SLC25A25: variants seen among roughly 807,000 people sequenced by gnomAD.
The protein encoded by SLC25A25 is mitochondrial adenyl nucleotide antiporter SLC25A25.
Under a neutral mutation model 57.7 loss-of-function variants are expected in SLC25A25, and 32 were observed. That is an observed-to-expected ratio of 0.55 (90% CI 0.42 to 0.74). The LOEUF is 0.74. Ranked by LOEUF, SLC25A25 falls within the 30% of genes least tolerant of loss-of-function variation. The probability of loss-of-function intolerance (pLI) is 0.00; values close to 1 mark genes in which losing one functional copy is unlikely to be tolerated. For missense variants in SLC25A25, 556 were observed against 701.3 expected, an observed-to-expected ratio of 0.79 and a Z score of 2.34; for synonymous variants, 306 against 291.2, an observed-to-expected ratio of 1.05 and a Z score of -0.52.
Position 128,102,179 on chromosome 9 carries a change from T to C in SLC25A25, c.512+64T>C, listed in dbSNP as rs2130819498. The C allele has an allele frequency of 2.0e-6, 3 of 1,538,210 alleles. No homozygotes were observed. Among genetic ancestry groups the C allele is most frequent in the South Asian group, 1.2e-5 (1 of 83,842 alleles). On this transcript the variant is annotated intron_variant, in intron 4 of 10. Coordinates refer to ENST00000373069, the MANE Select transcript of SLC25A25 (RefSeq NM_001330988.2). The surrounding 1 kb of genome is among the most constrained non-coding windows in gnomAD (Gnocchi z 4.1). Reference sequence around the variant, plus strand: ...TCCATGCCTGATCAGAGCGGGATTCTTGTGGGCCATTATATTGCCATTGTT... The same window carrying C: ...TCCATGCCTGATCAGAGCGGGATTCCTGTGGGCCATTATATTGCCATTGTT...
chr9:128,100,199 G>C (rs1054290747), intron 1 of SLC25A25, among the ~76,000 whole-genome samples: 11 of 116,660 alleles, frequency 9.4e-5, no homozygotes, highest in East Asian at 7.6e-4. Flanking sequence ...GTTTGCGAGG[G>C]GGGTAAGTGG....
rs1178946411 is a variant in SLC25A25 at position 128,106,216 on chromosome 9, T to C, written c.1003T>C (p.Leu335=). The part of the protein sequence containing the change: ...RIHERLVAGS[L]AGAIAQSSIY... Reference sequence around the variant, plus strand: ...TCACGAGAGGCTTGTGGCAGGGTCCTTGGCAGGGGCCATCGCCCAGAGCAG... The same window carrying C: ...TCACGAGAGGCTTGTGGCAGGGTCCCTGGCAGGGGCCATCGCCCAGAGCAG... Residue 335 remains leucine, a synonymous_variant, in exon 8 of 11, where the codon TTG becomes CTG. Coordinates refer to ENST00000373069, the MANE Select transcript of SLC25A25 (RefSeq NM_001330988.2). The C allele has an allele frequency of 1.2e-6, 2 of 1,614,160 alleles. No homozygotes were observed. Among genetic ancestry groups the C allele is most frequent in the African/African-American group, 1.3e-5 (1 of 75,064 alleles).
intron 1 of SLC25A25, among the ~76,000 whole-genome samples, chr9:128,075,378 T>C (rs931458171): frequency 1.3e-5 from 2 of 152,050 alleles, no homozygotes; most frequent in African/African-American, 4.8e-5. Context: ...ATGAATTTTT[T>C]TGATGTTCAA....
At chr9:128,084,570 CA>C (rs1477548732) in intron 1 of SLC25A25, among the ~76,000 whole-genome samples, 2 of 149,192 alleles carry the variant, frequency 1.3e-5, no homozygotes, top group African/African-American at 4.9e-5. Flanking sequence ...CCCCCGCCTT[CA>C]AGTTGTCCCA....
chr9:128,105,157 C>CTT (rs1564195477), intron 6 of SLC25A25, among the ~76,000 whole-genome samples: 1 of 96,886 alleles, frequency 1.0e-5, no homozygotes, highest in African/African-American at 4.1e-5. Context: ...ACACTCCCGG[C>CTT]CTTTTTTTTT....
chr9:128,079,209 A>G (rs1833083451), intron 1 of SLC25A25, among the ~76,000 whole-genome samples: 1 of 152,110 alleles, frequency 6.6e-6, no homozygotes, highest in African/African-American at 2.4e-5. Context: ...TCAGTGGGGA[A>G]ACTGGAGAGG....
rs1432225282 is a variant in SLC25A25 at position 128,108,535 on chromosome 9, CAG to C, written c.*1094_*1095del. 3.1e-6 allele frequency: 1 copy of C among 322,396 alleles called. No homozygotes were observed. Among genetic ancestry groups the C allele is most frequent in the African/African-American group, 2.1e-5 (1 of 47,174 alleles). The allele number at this position is 322,396 out of a possible 1,614,324, so 20.0% of individuals were successfully genotyped here. ...CCTATTTATTTTGTATTTATTTGAA[CAG>C]AGTTATGTCCTAACTATTTTTATAG... On this transcript the variant is annotated 3_prime_UTR_variant, in exon 11 of 11. Coordinates refer to ENST00000373069, the MANE Select transcript of SLC25A25 (RefSeq NM_001330988.2).
intron 1 of SLC25A25, chr9:128,098,688 C>A (rs757986323): frequency 2.5e-6 from 4 of 1,614,076 alleles, no homozygotes; most frequent in Non-Finnish European, 2.5e-6. Context: ...GTCTTCATCC[C>A]CTCCCAGGAA....
intron 1 of SLC25A25, among the ~76,000 whole-genome samples, chr9:128,070,842 C>T (rs760185946): frequency 1.1e-4 from 17 of 148,726 alleles, no homozygotes; most frequent in Non-Finnish European, 2.4e-4. Context: ...TTCCAGTACT[C>T]GGGAGGCTGA....
chr9:128,087,090 C>T (rs1833293400), intron 1 of SLC25A25, among the ~76,000 whole-genome samples: 2 of 151,920 alleles, frequency 1.3e-5, no homozygotes, highest in South Asian at 4.1e-4. Context: ...TGGCGGGTGC[C>T]TGTAATCCCA....
intron 1 of SLC25A25, among the ~76,000 whole-genome samples, chr9:128,072,878 A>G (rs1471388338): frequency 6.6e-6 from 1 of 152,212 alleles, no homozygotes; most frequent in Non-Finnish European, 1.5e-5. Context: ...TCAGGCAGCC[A>G]ATTAGAGGAA....
rs765719372 is a variant in SLC25A25 at position 128,102,452 on chromosome 9, G to A, written c.595G>A (p.Glu199Lys). Residue 199 changes from glutamate (E) to lysine (K), a missense_variant, in exon 5 of 11, where the codon GAG becomes AAG. By Grantham distance (56) the Glu-to-Lys change is moderately conservative (BLOSUM62 1). Transcript: ENST00000373069. This position sits in a 1 kb window ranked among gnomAD's most constrained non-coding sequence, Gnocchi z 4.1. Reference sequence around the variant, plus strand: ...CCTCCACCCCGTGGAAAACATCCCCGAGATCATCCTCTACTGGAAGCATTC... The same window carrying A: ...CCTCCACCCCGTGGAAAACATCCCCAAGATCATCCTCTACTGGAAGCATTC... ...HLLHPVENIP[E>K]IILYWKHSTI... 4 of 1,613,796 alleles carry A rather than the reference G, an allele frequency of 2.5e-6. No homozygotes were observed. Among genetic ancestry groups the A allele is most frequent in the South Asian group, 1.1e-5 (1 of 91,076 alleles).
chr9:128,106,493 T>C lies in SLC25A25; in HGVS notation c.1185T>C (p.Tyr395=). 1.9e-6 allele frequency: 3 copies of C among 1,610,382 alleles called. No individual in the cohort carries two copies. The highest frequency in any genetic ancestry group is 2.5e-6 in the Non-Finnish European group (3 of 1,179,428). ...YVPNMLGIIP[Y]AGIDLAVYET... Reference sequence around the variant, plus strand: ...CCAACATGCTGGGCATCATCCCCTATGCCGGCATCGACCTTGCAGTCTACG... The same window carrying C: ...CCAACATGCTGGGCATCATCCCCTACGCCGGCATCGACCTTGCAGTCTACG... The change falls in exon 9 of 11, where the codon TAT becomes TAC. Residue 395 remains tyrosine, a synonymous_variant. Coordinates refer to ENST00000373069, the MANE Select transcript of SLC25A25 (RefSeq NM_001330988.2).
chr9:128,068,975 G>A (rs944398049), intron 1 of SLC25A25, among the ~76,000 whole-genome samples: 1 of 152,100 alleles, frequency 6.6e-6, no homozygotes, highest in South Asian at 2.1e-4. Context: ...TTTCCCTCTC[G>A]TTTCCATGCC....
Position 128,102,476 on chromosome 9 carries a change from T to A in SLC25A25, c.619T>A (p.Ser207Thr). 6.2e-7 allele frequency: 1 copy of A among 1,613,220 alleles called. No individual in the cohort carries two copies. Among genetic ancestry groups the A allele is most frequent in the Non-Finnish European group, 8.5e-7 (1 of 1,179,470 alleles). Residue 207 changes from serine (S) to threonine (T), a missense_variant, in exon 5 of 11, where the codon TCC becomes ACC. By Grantham distance (58) the Ser-to-Thr change is moderately conservative. Coordinates refer to ENST00000373069, the MANE Select transcript of SLC25A25 (RefSeq NM_001330988.2). This position sits in a 1 kb window ranked among gnomAD's most constrained non-coding sequence, Gnocchi z 4.1. ...CGAGATCATCCTCTACTGGAAGCATTCCACGGTGAGCCCCACGTGCCCAGG... is the reference window on the plus strand; with the variant it reads ...CGAGATCATCCTCTACTGGAAGCATACCACGGTGAGCCCCACGTGCCCAGG... The part of the protein sequence containing the change: ...IPEIILYWKH[S>T]TIFDVGENLT...
Position 128,102,490 on chromosome 9 carries a change from C to T in SLC25A25, c.624+9C>T, listed in dbSNP as rs138698994. On this transcript the variant is annotated intron_variant, in intron 5 of 10. Coordinates refer to ENST00000373069, the MANE Select transcript of SLC25A25 (RefSeq NM_001330988.2). This position sits in a 1 kb window ranked among gnomAD's most constrained non-coding sequence, Gnocchi z 4.1. ...ACTGGAAGCATTCCACGGTGAGCCC[C>T]ACGTGCCCAGGGCCCTCATCTGCTC... 58 of 1,609,362 alleles carry T rather than the reference C, an allele frequency of 3.6e-5. No homozygotes were observed. In the East Asian group the frequency reaches 1.2e-3, roughly 34 times the overall value.
chr9:128,096,690 T>C (rs1833568020), intron 1 of SLC25A25, among the ~76,000 whole-genome samples: 1 of 152,218 alleles, frequency 6.6e-6, no homozygotes, highest in Non-Finnish European at 1.5e-5. Context: ...AAGCACCTTA[T>C]TTGATCAAGG....
intron 1 of SLC25A25, among the ~76,000 whole-genome samples, chr9:128,089,799 A>AT (rs1018279118): frequency 1.5e-4 from 22 of 148,902 alleles, no homozygotes; most frequent in East Asian, 3.9e-4. Context: ...ATGCCTGGCT[A>AT]TTTTTTTTTT....
chr9:128,070,510 G>A (rs1832881540), intron 1 of SLC25A25, among the ~76,000 whole-genome samples: 1 of 151,612 alleles, frequency 6.6e-6, no homozygotes, highest in African/African-American at 2.4e-5. Flanking sequence ...CAAAGTGTTG[G>A]GATTACAGGC....
Sources: gnomAD v4.1 joint callset for allele counts (sites outside exome capture counted in the v4.1 genomes callset) on GRCh38, gnomAD v4.1.1 for gene constraint, Gnocchi (gnomAD v3.1) non-coding constraint, MANE v1.5 for transcripts, NCBI Gene and HGNC (gene_info 2026-07-23, HGNC 2026-07-21) for gene names.